NFIB: variants seen among roughly 807,000 people sequenced by gnomAD.
The protein encoded by NFIB is nuclear factor I B.
Under a neutral mutation model 61.5 loss-of-function variants are expected in NFIB, and 11 were observed. The ratio of observed to expected loss-of-function variants is 0.18; its 90% CI spans 0.11 to 0.30. The LOEUF (loss-of-function observed/expected upper bound fraction) is 0.30, where lower values mean the gene tolerates loss of function less well. NFIB is among the 10% of genes least tolerant of loss of function. NFIB has a pLI of 1.00. For synonymous variants in NFIB, 260 were observed against 216.5 expected, an observed-to-expected ratio of 1.20 and a Z score of -1.76; for missense variants, 471 against 608.9, an observed-to-expected ratio of 0.77 and a Z score of 2.38.
intron 1 of NFIB, among the ~76,000 whole-genome samples, chr9:14,390,341 G>A (rs61588707): frequency 0.061 from 9,328 of 152,160 alleles, 482 homozygotes; most frequent in East Asian, 0.32. Flanking sequence ...CTGATGCCCA[G>A]ATCTAAATGG....
the NFIB span, among the ~76,000 whole-genome samples, chr9:14,453,592 A>T: frequency 2.0e-5 from 3 of 152,236 alleles, no homozygotes; most frequent in African/African-American, 7.2e-5. Flanking sequence ...CTAAGAACAC[A>T]GCATCATTAT....
At chr9:14,425,289 C>T in the NFIB span, among the ~76,000 whole-genome samples, 155 of 152,220 alleles carry the variant, frequency 1.0e-3, no homozygotes, top group African/African-American at 3.3e-3. Context: ...CTGACTCAGC[C>T]ACAAAGGGCC....
intron 1 of NFIB, among the ~76,000 whole-genome samples, chr9:14,366,325 A>G (rs2061299699): frequency 6.6e-6 from 1 of 152,062 alleles, no homozygotes; most frequent in South Asian, 2.1e-4. Context: ...GTGAAACCCG[A>G]TGTCTTCTCC....
the NFIB span, among the ~76,000 whole-genome samples, chr9:14,510,266 A>G: frequency 3.9e-5 from 6 of 152,222 alleles, no homozygotes; most frequent in Non-Finnish European, 8.8e-5. Flanking sequence ...GCAATTAGCA[A>G]TAAGAACTCT....
At chr9:14,501,127 T>C in the NFIB span, among the ~76,000 whole-genome samples, 2 of 152,216 alleles carry the variant, frequency 1.3e-5, no homozygotes, top group African/African-American at 4.8e-5. Context: ...TGGATTTTGA[T>C]GAGTGGTGAG....
chr9:14,379,089 G>C (rs1393795806), intron 1 of NFIB, among the ~76,000 whole-genome samples: 1 of 152,154 alleles, frequency 6.6e-6, no homozygotes, highest in Admixed American at 6.5e-5. Context: ...TCAAAGAGAG[G>C]GCTCAGAACT....
chr9:14,456,868 G>A, the NFIB span, among the ~76,000 whole-genome samples: 2 of 152,288 alleles, frequency 1.3e-5, no homozygotes, highest in Non-Finnish European at 2.9e-5. Flanking sequence ...GTACATGTGT[G>A]AAATGGCAAT....
chr9:14,135,020 T>G (rs960833873), intron 6 of NFIB, among the ~76,000 whole-genome samples: 2 of 151,162 alleles, frequency 1.3e-5, no homozygotes, highest in Non-Finnish European at 2.9e-5. Flanking sequence ...CAAAAATACA[T>G]TCATAGAAAT....
chr9:14,496,045 C>A, the NFIB span, among the ~76,000 whole-genome samples: 1 of 152,142 alleles, frequency 6.6e-6, no homozygotes, highest in Non-Finnish European at 1.5e-5. Flanking sequence ...ATAAATGAGA[C>A]TATATGTCTA....
chr9:14,337,403 A>G (rs2060897451), intron 1 of NFIB, among the ~76,000 whole-genome samples: 1 of 152,252 alleles, frequency 6.6e-6, no homozygotes, highest in African/African-American at 2.4e-5. Context: ...TCAAAATAAA[A>G]AAGTAAAAGC....
chr9:14,204,630 C>A (rs1407239790), intron 2 of NFIB: 6 of 700,140 alleles, frequency 8.6e-6, no homozygotes, highest in African/African-American at 1.8e-5. Context: ...AAGGGGACCT[C>A]CCCACTAAGA....
chr9:14,377,506 C>T (rs1057115051), intron 1 of NFIB, among the ~76,000 whole-genome samples: 10 of 152,294 alleles, frequency 6.6e-5, no homozygotes, highest in Admixed American at 1.3e-4. Context: ...CAAGAGCCAC[C>T]GTGCCTGGCC....
intron 2 of NFIB, among the ~76,000 whole-genome samples, chr9:14,197,351 A>T (rs1275586765): frequency 2.8e-5 from 3 of 107,246 alleles, no homozygotes; most frequent in Non-Finnish European, 5.7e-5. Flanking sequence ...AATGAATCTG[A>T]TAGGATGTCC....
the NFIB span, among the ~76,000 whole-genome samples, chr9:14,443,612 T>C: frequency 7.9e-5 from 12 of 152,338 alleles, no homozygotes; most frequent in East Asian, 2.3e-3. Flanking sequence ...ATCCTCCTCT[T>C]AACACTCTCG....
At chr9:14,218,562 C>T (rs1254101328) in intron 2 of NFIB, among the ~76,000 whole-genome samples, 2 of 152,198 alleles carry the variant, frequency 1.3e-5, no homozygotes, top group Non-Finnish European at 2.9e-5. Context: ...AGACTGATGA[C>T]TATAGATGTC....
the NFIB span, among the ~76,000 whole-genome samples, chr9:14,453,517 A>G: frequency 6.6e-6 from 1 of 152,366 alleles, no homozygotes; most frequent in South Asian, 2.1e-4. Flanking sequence ...ATGTCAACAG[A>G]GACATATGGT....
chr9:14,390,611 G>A (rs765115309), intron 1 of NFIB, among the ~76,000 whole-genome samples: 16 of 152,318 alleles, frequency 1.1e-4, no homozygotes, highest in Non-Finnish European at 1.9e-4. Flanking sequence ...CTAATTCCCT[G>A]TGTGATGTTA....
chr9:14,125,824 T>A (rs145738912), intron 6 of NFIB, 58 bp from the exon 7 acceptor site: 4 of 1,580,648 alleles, frequency 2.5e-6, no homozygotes, highest in Non-Finnish European at 3.4e-6. Context: ...CTAAGGTTCA[T>A]GTCAACAAAT....
chr9:14,447,552 C>A, the NFIB span, among the ~76,000 whole-genome samples: 13 of 152,092 alleles, frequency 8.5e-5, no homozygotes, highest in Non-Finnish European at 4.4e-5. Context: ...GCTATAAGTT[C>A]TCAGTAGTGA....
Sources: gnomAD v4.1 joint callset for allele counts (sites outside exome capture counted in the v4.1 genomes callset) on GRCh38, gnomAD v4.1.1 for gene constraint, MANE v1.5 for transcripts, NCBI Gene and HGNC (gene_info 2026-07-23, HGNC 2026-07-21) for gene names.